Variants in CADPS2 observed in about 807,000 individuals in gnomAD.
CADPS2 encodes calcium-dependent secretion activator 2.
CADPS2 carries 93 observed loss-of-function variants against 172.5 expected under a neutral mutation model. The observed-to-expected ratio is 0.54, with a 90% CI of 0.46 to 0.64. The LOEUF (loss-of-function observed/expected upper bound fraction) is 0.64, where lower values mean the gene tolerates loss of function less well. Ranked by LOEUF, CADPS2 falls within the 30% of genes least tolerant of loss-of-function variation. CADPS2 has a pLI of 0.00. For synonymous variants in CADPS2, 546 were observed against 555.2 expected (o/e 0.98, Z 0.23); for missense variants, 1,420 against 1,565.9 (o/e 0.91, Z 1.57).
chr7:122,419,941 AC>A (rs1458580588), intron 17 of CADPS2, among the ~76,000 whole-genome samples: 1 of 152,164 alleles, frequency 6.6e-6, no homozygotes, highest in Non-Finnish European at 1.5e-5. Context: ...ATTTTAAATC[AC>A]TGAAGTATAT....
chr7:122,582,721 C>G (rs1000611821), intron 6 of CADPS2, among the ~76,000 whole-genome samples: 2 of 151,950 alleles, frequency 1.3e-5, no homozygotes, highest in Admixed American at 1.3e-4. Flanking sequence ...TCATGACATA[C>G]CCTTTTAAAT....
At chr7:122,364,097 A>G (rs1416559641) in intron 25 of CADPS2, among the ~76,000 whole-genome samples, 1 of 152,156 alleles carries the variant, frequency 6.6e-6, no homozygotes, top group Non-Finnish European at 1.5e-5. Flanking sequence ...GATACGCCAT[A>G]TGCAATGTGC....
At chr7:122,852,683 T>G (rs975371045) in intron 1 of CADPS2, among the ~76,000 whole-genome samples, 1 of 152,106 alleles carries the variant, frequency 6.6e-6, no homozygotes, top group South Asian at 2.1e-4. Flanking sequence ...AGAGGCAAGT[T>G]TTAGCTGGAG....
chr7:122,451,512 C>T (rs3764810), intron 14 of CADPS2, 37 bp from the exon 15 acceptor site: 4 of 1,174,574 alleles, frequency 3.4e-6, no homozygotes, highest in South Asian at 1.5e-5. Flanking sequence ...TCATATTGAT[C>T]GAACATTTAC....
intron 1 of CADPS2, among the ~76,000 whole-genome samples, chr7:122,742,874 C>G (rs2092559503): frequency 6.6e-6 from 1 of 152,062 alleles, no homozygotes; most frequent in Non-Finnish European, 1.5e-5. Context: ...TCCTCCAGGT[C>G]GTTTTAAAAA....
intron 17 of CADPS2, among the ~76,000 whole-genome samples, chr7:122,418,557 A>T (rs1250730542): frequency 1.3e-5 from 2 of 152,186 alleles, no homozygotes; most frequent in African/African-American, 4.8e-5. Flanking sequence ...TCCAACAAGG[A>T]TTGGTGAAAG....
chr7:122,809,005 T>C (rs535700646), intron 1 of CADPS2, among the ~76,000 whole-genome samples: 1 of 152,298 alleles, frequency 6.6e-6, no homozygotes, highest in South Asian at 2.1e-4. Flanking sequence ...GAGGGGACAC[T>C]TACAGGCTCC....
At chr7:122,803,501 A>G (rs1485164436) in intron 1 of CADPS2, among the ~76,000 whole-genome samples, 2 of 152,096 alleles carry the variant, frequency 1.3e-5, no homozygotes, top group Non-Finnish European at 2.9e-5. Flanking sequence ...GCCATTTTCT[A>G]TGGTGTTTTC....
At chr7:122,639,322 AT>A (rs754620178) in intron 3 of CADPS2, among the ~76,000 whole-genome samples, 8 of 152,124 alleles carry the variant, frequency 5.3e-5, no homozygotes, top group Non-Finnish European at 8.8e-5. Flanking sequence ...TCTTATGAGC[AT>A]TTTCCTAAAG....
chr7:122,700,296 T>A (rs1445268630), intron 2 of CADPS2, among the ~76,000 whole-genome samples: 7 of 152,146 alleles, frequency 4.6e-5, no homozygotes. Flanking sequence ...TCTTATGAAA[T>A]GTAAATCTAC....
At chr7:122,587,041 G>A (rs2069823096) in intron 6 of CADPS2, among the ~76,000 whole-genome samples, 1 of 150,970 alleles carries the variant, frequency 6.6e-6, no homozygotes, top group African/African-American at 2.4e-5. Flanking sequence ...CAGCAACAGG[G>A]ATATAAATGA....
chr7:122,418,169 CAAA>C (rs112532888), intron 17 of CADPS2, among the ~76,000 whole-genome samples: 2 of 109,112 alleles, frequency 1.8e-5, no homozygotes, highest in Non-Finnish European at 2.0e-5. Context: ...GACTCCATCT[CAAA>C]AAAAAAAAAA....
intron 17 of CADPS2, among the ~76,000 whole-genome samples, chr7:122,425,587 C>CA (rs1164519231): frequency 6.6e-6 from 1 of 151,934 alleles, no homozygotes; most frequent in Non-Finnish European, 1.5e-5. Context: ...GCCTAGGTGA[C>CA]AGAGTGAGAC....
At chr7:122,861,170 G>C (rs1045125815) in intron 1 of CADPS2, among the ~76,000 whole-genome samples, 1 of 151,912 alleles carries the variant, frequency 6.6e-6, no homozygotes, top group Non-Finnish European at 1.5e-5. Context: ...TTTTTTGTGG[G>C]ACTCCCATTC....
chr7:122,538,269 A>C (rs1030826146), intron 8 of CADPS2, among the ~76,000 whole-genome samples: 10 of 151,774 alleles, frequency 6.6e-5, no homozygotes, highest in African/African-American at 2.2e-4. Context: ...GTGAAGAAAA[A>C]AATTATAGAC....
At chr7:122,665,630 G>A (rs887468720) in intron 2 of CADPS2, among the ~76,000 whole-genome samples, 1 of 152,182 alleles carries the variant, frequency 6.6e-6, no homozygotes, top group Non-Finnish European at 1.5e-5. Flanking sequence ...AACATCTCAT[G>A]TAATTTGTCA....
intron 3 of CADPS2, among the ~76,000 whole-genome samples, chr7:122,645,367 G>GTACATGTGTGTATATATGTACA (rs1563947900): frequency 1.5e-4 from 14 of 95,242 alleles, no homozygotes; most frequent in African/African-American, 3.3e-4. Context: ...ACATGTACAT[G>GTACATGTGTGTATATATGTACA]TATACACACA....
At chr7:122,550,756 T>C (rs934370859) in intron 8 of CADPS2, among the ~76,000 whole-genome samples, 2 of 105,120 alleles carry the variant, frequency 1.9e-5, no homozygotes, top group Non-Finnish European at 1.9e-5. Context: ...TCTATCTTCA[T>C]GCTACAGACA....
intron 1 of CADPS2, among the ~76,000 whole-genome samples, chr7:122,822,972 G>T (rs1803814748): frequency 6.6e-6 from 1 of 152,172 alleles, no homozygotes; most frequent in African/African-American, 2.4e-5. Flanking sequence ...AGCCTGTTTG[G>T]TGGTCTCTTC....
Sources: allele counts gnomAD v4.1 joint callset (sites outside exome capture counted in the v4.1 genomes callset), GRCh38; gene constraint gnomAD v4.1.1; transcripts MANE v1.5; gene names NCBI Gene and HGNC (gene_info 2026-07-23, HGNC 2026-07-21).